Variants in COG6 observed in about 807,000 individuals in gnomAD.
The protein encoded by COG6 is conserved oligomeric Golgi complex subunit 6.
In COG6, 74 loss-of-function variants were observed where a neutral mutation model predicts 88.8. The ratio of observed to expected loss-of-function variants is 0.83; its 90% CI spans 0.69 to 1.01. COG6 has a LOEUF of 1.01. COG6 is among the 50% of genes least tolerant of loss of function. The pLI is 0.00. For synonymous variants in COG6, 286 were observed against 278.7 expected (o/e 1.03, Z -0.26); for missense variants, 800 against 797.9 (o/e 1.00, Z -0.03).
Position 39,655,877 on chromosome 13 carries a change from A to T in COG6, c.151A>T (p.Lys51Ter). ...CCTGGAGACGCGGCTGGACAACGAC[A>T]AGGTAACCGGGGCTGGCGGGGCCGG... ...KILETRLDND[K>*]EMLEALKALS... Residue 51 changes from lysine to a stop codon, truncating the protein, a stop_gained and splice_region_variant, in exon 1 of 19, where the codon AAG (lysine) becomes TAG (stop). Transcript: ENST00000455146. LOFTEE classifies it high-confidence loss of function. 6.2e-7 allele frequency: 1 copy of T among 1,606,884 alleles called. No homozygotes were observed.
intron 18 of COG6, among the ~76,000 whole-genome samples, chr13:39,775,653 T>C (rs1881441373): frequency 6.6e-6 from 1 of 152,204 alleles, no homozygotes; most frequent in Non-Finnish European, 1.5e-5. Flanking sequence ...ATAATGTAGT[T>C]CTTTTTCATG....
chr13:39,670,364 A>G (rs888362584), intron 4 of COG6, among the ~76,000 whole-genome samples: 5 of 152,090 alleles, frequency 3.3e-5, no homozygotes, highest in African/African-American at 7.2e-5. Flanking sequence ...ACTCAGAAAA[A>G]TAATCTCTGG....
At chr13:39,769,668 G>A (rs1168476406) in intron 18 of COG6, among the ~76,000 whole-genome samples, 1 of 152,150 alleles carries the variant, frequency 6.6e-6, no homozygotes, top group Non-Finnish European at 1.5e-5. Context: ...TAGTCTGAAA[G>A]TTTCTGTCTC....
chr13:39,698,216 C>T (rs17529877), intron 12 of COG6, among the ~76,000 whole-genome samples: 8,997 of 151,720 alleles, frequency 0.059, 379 homozygotes, highest in Non-Finnish European at 0.094. Context: ...GTTGAGTTCT[C>T]TCCAAATTTT....
At chr13:39,740,643 A>G (rs1238672217) in intron 18 of COG6, among the ~76,000 whole-genome samples, 2 of 152,162 alleles carry the variant, frequency 1.3e-5, no homozygotes, top group Non-Finnish European at 2.9e-5. Context: ...GACGTCTGGC[A>G]TATATGATGA....
chr13:39,721,334 G>A (rs770784645), intron 15 of COG6, among the ~76,000 whole-genome samples: 3 of 152,112 alleles, frequency 2.0e-5, no homozygotes, highest in Non-Finnish European at 4.4e-5. Context: ...ACCATTGGAT[G>A]TGTCAACTGG....
At chr13:39,708,107 A>G (rs929689448) in intron 13 of COG6, among the ~76,000 whole-genome samples, 1 of 152,028 alleles carries the variant, frequency 6.6e-6, no homozygotes, top group Non-Finnish European at 1.5e-5. Flanking sequence ...ATTTGCTTGT[A>G]GTTTGCATTT....
intron 4 of COG6, among the ~76,000 whole-genome samples, chr13:39,669,129 C>G (rs1416998941): frequency 6.6e-6 from 1 of 152,172 alleles, no homozygotes; most frequent in African/African-American, 2.4e-5. Flanking sequence ...GCAAAGCAGC[C>G]AGCTCTGTGA....
chr13:39,707,501 T>C (rs1236469357), intron 13 of COG6, among the ~76,000 whole-genome samples: 1 of 152,216 alleles, frequency 6.6e-6, no homozygotes, highest in African/African-American at 2.4e-5. Context: ...TATTTGCATA[T>C]GCTCATTAGC....
intron 18 of COG6, among the ~76,000 whole-genome samples, chr13:39,747,234 C>A (rs1263344849): frequency 2.0e-5 from 3 of 152,054 alleles, no homozygotes; most frequent in South Asian, 2.1e-4. Flanking sequence ...AGTGTAGGAA[C>A]CTGTTGCTTT....
At chr13:39,656,967 T>C in intron 1 of COG6, 1 of 447,078 alleles carries the variant, frequency 2.2e-6, no homozygotes, top group Middle Eastern at 4.1e-4. Context: ...TTATGAAGTG[T>C]TTAATGTGTC....
chr13:39,753,236 G>C (rs1278254097), downstream of COG6, among the ~76,000 whole-genome samples: 1 of 152,134 alleles, frequency 6.6e-6, no homozygotes, highest in African/African-American at 2.4e-5. Flanking sequence ...TTACTCAAGA[G>C]GCTCAAGAGA....
At chr13:39,733,054 A>G (rs1425426057) in intron 18 of COG6, among the ~76,000 whole-genome samples, 2 of 152,148 alleles carry the variant, frequency 1.3e-5, no homozygotes, top group African/African-American at 4.8e-5. Context: ...AAAAACGTCA[A>G]CTTTAAATGA....
intron 2 of COG6, among the ~76,000 whole-genome samples, chr13:39,660,270 A>T (rs922992582): frequency 1.3e-5 from 2 of 152,108 alleles, no homozygotes; most frequent in Non-Finnish European, 2.9e-5. Context: ...ATCATAGTAC[A>T]CTACAGCATC....
At chr13:39,740,978 A>T (rs892432388) in intron 18 of COG6, among the ~76,000 whole-genome samples, 1 of 152,176 alleles carries the variant, frequency 6.6e-6, no homozygotes, top group African/African-American at 2.4e-5. Flanking sequence ...ATTTCTGGAA[A>T]TGCTGGGTTT....
At chr13:39,725,327 A>T (rs1471783352) in intron 17 of COG6, among the ~76,000 whole-genome samples, 2 of 151,982 alleles carry the variant, frequency 1.3e-5, no homozygotes, top group East Asian at 3.9e-4. Context: ...CAATCCAGGA[A>T]GTTGGCCTAC....
intron 18 of COG6, among the ~76,000 whole-genome samples, chr13:39,739,411 C>G (rs1298684987): frequency 6.6e-6 from 1 of 151,764 alleles, no homozygotes; most frequent in Non-Finnish European, 1.5e-5. Flanking sequence ...GAAAGAGTTG[C>G]AATATTAACA....
chr13:39,747,099 C>G (rs1265341218), intron 18 of COG6, among the ~76,000 whole-genome samples: 1 of 152,110 alleles, frequency 6.6e-6, no homozygotes, highest in African/African-American at 2.4e-5. Flanking sequence ...ATTACTTGTT[C>G]AAGGCAACAA....
chr13:39,690,993 T>G (rs868238275), intron 11 of COG6, among the ~76,000 whole-genome samples: 2 of 152,014 alleles, frequency 1.3e-5, no homozygotes, highest in South Asian at 4.1e-4. Flanking sequence ...TTTTTATAAC[T>G]TCATATAGTT....
Sources: gnomAD v4.1 joint callset for allele counts (sites outside exome capture counted in the v4.1 genomes callset) on GRCh38, gnomAD v4.1.1 for gene constraint, MANE v1.5 for transcripts, NCBI Gene and HGNC (gene_info 2026-07-23, HGNC 2026-07-21) for gene names.